ALK: variants seen among roughly 807,000 people sequenced by gnomAD.
The protein encoded by ALK is ALK tyrosine kinase receptor.
ALK carries 74 observed loss-of-function variants against 163.1 expected under a neutral mutation model. The ratio of observed to expected loss-of-function variants is 0.45; its 90% CI spans 0.38 to 0.55. ALK has a LOEUF of 0.55. ALK is among the 20% of genes least tolerant of loss of function. The pLI, the probability that ALK is intolerant of heterozygous loss-of-function variation, is 0.00. For missense variants in ALK, 2,063 were observed against 2,105.3 expected (o/e 0.98, Z 0.39); for synonymous variants, 960 against 843.2 (o/e 1.14, Z -2.40).
chr2:29,324,263 G>A (rs1010223793), intron 6 of ALK, among the ~76,000 whole-genome samples: 1 of 152,194 alleles, frequency 6.6e-6, no homozygotes, highest in African/African-American at 2.4e-5. Context: ...TGTGGGAGCT[G>A]CCAAGTATAA....
chr2:29,213,299 C>G (rs1387316744), intron 24 of ALK, among the ~76,000 whole-genome samples: 2 of 152,148 alleles, frequency 1.3e-5, no homozygotes, highest in Non-Finnish European at 2.9e-5. Flanking sequence ...CTTTTAAACA[C>G]AAGAATGATT....
At chr2:29,543,768 A>T (rs62131118) in intron 3 of ALK, among the ~76,000 whole-genome samples, 18,584 of 152,176 alleles carry the variant, frequency 0.12, 1,516 homozygotes, top group East Asian at 0.34. Context: ...TTCCATGGAC[A>T]GCTTCTGTCT....
At chr2:29,591,227 G>A (rs928488694) in intron 3 of ALK, among the ~76,000 whole-genome samples, 6 of 151,862 alleles carry the variant, frequency 4.0e-5, no homozygotes, top group African/African-American at 1.5e-4. Context: ...CAAAACACCA[G>A]TTCTGTCTAA....
At position 29,275,104 on chromosome 2, in the gene ALK, G is replaced by C. The variant is rs1558648699; in HGVS notation, c.2036C>G (p.Pro679Arg). 8.7e-6 allele frequency: 14 copies of C among 1,614,092 alleles called. No individual in the cohort carries two copies. The highest frequency in any genetic ancestry group is 1.2e-5 in the Non-Finnish European group (14 of 1,180,040). ...TTTGTGAGCTGAACCCTTACCTGTA[G>C]GGTCAAAGATGGGGGTCTGTCTTGG... ...NSPRQTPIFDPTVHWLFTTCG... is the reference protein window; with the variant it reads ...NSPRQTPIFDRTVHWLFTTCG... Residue 679 changes from proline to arginine, a missense_variant, in exon 11 of 29, where the codon CCT becomes CGT. Transcript: ENST00000389048.
intron 5 of ALK, among the ~76,000 whole-genome samples, chr2:29,374,286 G>A (rs1285131865): frequency 6.6e-6 from 1 of 152,156 alleles, no homozygotes; most frequent in Non-Finnish European, 1.5e-5. Flanking sequence ...ATGAGAAAAT[G>A]AAAACTCATA....
At chr2:29,693,662 C>T (rs1678468764) in intron 3 of ALK, among the ~76,000 whole-genome samples, 1 of 152,148 alleles carries the variant, frequency 6.6e-6, no homozygotes, top group African/African-American at 2.4e-5. Flanking sequence ...TCTCCCTCAT[C>T]AGCTTACCCA....
intron 3 of ALK, among the ~76,000 whole-genome samples, chr2:29,549,137 TACACACACAC>T (rs58557380): frequency 6.7e-6 from 1 of 149,672 alleles, no homozygotes; most frequent in South Asian, 2.1e-4. Context: ...GATCTACAGG[TACACACACAC>T]ACACACACAC....
intron 13 of ALK, among the ~76,000 whole-genome samples, chr2:29,234,142 T>C (rs1165726539): frequency 2.6e-5 from 4 of 152,038 alleles, no homozygotes; most frequent in Non-Finnish European, 4.4e-5. Flanking sequence ...CAGAAGTCTA[T>C]CAGGACAGAG....
chr2:29,364,359 G>A (rs190169594), intron 5 of ALK, among the ~76,000 whole-genome samples: 37 of 152,236 alleles, frequency 2.4e-4, no homozygotes, highest in South Asian at 6.2e-4. Flanking sequence ...ATCATGGGTC[G>A]GAGGTGGAGC....
intron 3 of ALK, among the ~76,000 whole-genome samples, chr2:29,573,921 A>G (rs963603668): frequency 6.6e-6 from 1 of 152,192 alleles, no homozygotes; most frequent in Non-Finnish European, 1.5e-5. Context: ...CTCACTGATG[A>G]GCTGACATTT....
chr2:29,792,396 T>C (rs943634792), intron 1 of ALK, among the ~76,000 whole-genome samples: 1 of 152,162 alleles, frequency 6.6e-6, no homozygotes, highest in African/African-American at 2.4e-5. Flanking sequence ...TAATAATTAC[T>C]GCTGGGGGCC....
intron 15 of ALK, 72 bp from the exon 16 acceptor site, chr2:29,229,138 A>G: frequency 6.7e-7 from 1 of 1,481,994 alleles, no homozygotes; most frequent in Non-Finnish European, 9.4e-7. Context: ...CCAGAGAAGC[A>G]GGATGCAGGA....
chr2:29,789,672 T>C (rs1664137516), intron 1 of ALK, among the ~76,000 whole-genome samples: 2 of 152,148 alleles, frequency 1.3e-5, no homozygotes, highest in East Asian at 3.8e-4. Context: ...GGTGAATGAA[T>C]GGGGCTTCTC....
chr2:29,919,906 G>T, intron 1 of ALK, 87 bp downstream of exon 1: 1 of 1,489,048 alleles, frequency 6.7e-7, no homozygotes. Context: ...TTTAGAAAGT[G>T]GGGTGGAAGT....
chr2:29,893,981 T>C (rs979371285), intron 1 of ALK, among the ~76,000 whole-genome samples: 1 of 152,164 alleles, frequency 6.6e-6, no homozygotes, highest in African/African-American at 2.4e-5. Context: ...GCAGAGTGCT[T>C]GGCACATGAC....
chr2:29,634,120 T>TC (rs1676457155), intron 3 of ALK, among the ~76,000 whole-genome samples: 1 of 151,678 alleles, frequency 6.6e-6, no homozygotes, highest in African/African-American at 2.4e-5. Flanking sequence ...GGTGCACATT[T>TC]TTTTTTTTCG....
At chr2:29,635,701 C>T (rs1178692491) in intron 3 of ALK, among the ~76,000 whole-genome samples, 3 of 151,966 alleles carry the variant, frequency 2.0e-5, no homozygotes, top group African/African-American at 7.3e-5. Flanking sequence ...CTCCCAGGTT[C>T]AAGTGATTCT....
chr2:29,404,830 A>C (rs540502475), intron 4 of ALK, among the ~76,000 whole-genome samples: 1 of 152,348 alleles, frequency 6.6e-6, no homozygotes, highest in South Asian at 2.1e-4. Flanking sequence ...GGGAAAGAGA[A>C]AACTGAAGAA....
intron 1 of ALK, among the ~76,000 whole-genome samples, chr2:29,869,126 C>T (rs1666514022): frequency 6.6e-6 from 1 of 152,180 alleles, no homozygotes; most frequent in African/African-American, 2.4e-5. Context: ...AAGACATTTT[C>T]ACTGTACCCT....
Sources: gnomAD v4.1 joint callset for allele counts (sites outside exome capture counted in the v4.1 genomes callset) on GRCh38, gnomAD v4.1.1 for gene constraint, MANE v1.5 for transcripts, NCBI Gene and HGNC (gene_info 2026-07-23, HGNC 2026-07-21) for gene names.